Variants in KIF26B observed in about 807,000 individuals in gnomAD.
KIF26B encodes the protein kinesin family member 26B.
Under a neutral mutation model 151.2 loss-of-function variants are expected in KIF26B, and 63 were observed. The ratio of observed to expected loss-of-function variants is 0.42; its 90% CI spans 0.34 to 0.51. The LOEUF (loss-of-function observed/expected upper bound fraction) is 0.51. Ranked by LOEUF, KIF26B falls within the 20% of genes least tolerant of loss-of-function variation. The pLI, the probability that KIF26B is intolerant of heterozygous loss-of-function variation, is 0.07. For missense variants in KIF26B, 2,813 were observed against 2,913.6 expected (o/e 0.97, Z 0.79); for synonymous variants, 1,357 against 1,262.1 (o/e 1.08, Z -1.59).
At position 245,241,168 on chromosome 1, in the gene KIF26B, G is replaced by C. The variant is rs1670205703; in HGVS notation, c.465+84485G>C. ...ACCAGTAAATGTCGGAATTTCCTGA[G>C]TGCAGCTCTGAAGGATTTAGAGGTG... is the stretch of plus-strand genomic sequence containing the variant. On this transcript the variant is annotated intron_variant, in intron 2 of 14. Coordinates refer to ENST00000407071, the MANE Select transcript of KIF26B (RefSeq NM_018012.4). The surrounding 1 kb of genome is among the most constrained non-coding windows in gnomAD (Gnocchi z 5.0). Among the ~76,000 whole-genome samples the C allele has an allele frequency of 6.6e-6, 1 of 152,208 alleles. No homozygotes were observed. Among genetic ancestry groups the C allele is most frequent in the African/African-American group, 2.4e-5 (1 of 41,458 alleles).
intron 10 of KIF26B, among the ~76,000 whole-genome samples, chr1:245,658,051 T>C (rs566529052): frequency 5.0e-4 from 76 of 152,344 alleles, no homozygotes; most frequent in African/African-American, 1.7e-3. Flanking sequence ...GCTTGTCTTA[T>C]AGGTTTTACC....
intron 12 of KIF26B, among the ~76,000 whole-genome samples, chr1:245,690,852 A>G (rs1453659518): frequency 6.6e-6 from 1 of 152,228 alleles, no homozygotes; most frequent in African/African-American, 2.4e-5. Flanking sequence ...GTTGAAAAGG[A>G]AGAGCCATTC....
At chr1:245,266,872 G>C (rs1055884743) in intron 2 of KIF26B, among the ~76,000 whole-genome samples, 40 of 152,280 alleles carry the variant, frequency 2.6e-4, no homozygotes, top group Middle Eastern at 3.4e-3. Flanking sequence ...TCTGTACAGT[G>C]AGAGAATGTT....
chr1:245,273,136 A>G (rs545223181), intron 2 of KIF26B, among the ~76,000 whole-genome samples: 1 of 152,038 alleles, frequency 6.6e-6, no homozygotes, highest in Non-Finnish European at 1.5e-5. Flanking sequence ...ATATTGAGCC[A>G]GGCACAGTGG....
chr1:245,499,888 A>T (rs986141815), intron 4 of KIF26B, among the ~76,000 whole-genome samples: 5 of 152,244 alleles, frequency 3.3e-5, no homozygotes, highest in African/African-American at 1.2e-4. Flanking sequence ...TGGGGAATGT[A>T]TCAAACGGTC....
At chr1:245,420,940 G>A (rs1041097253) in intron 4 of KIF26B, among the ~76,000 whole-genome samples, 27 of 152,292 alleles carry the variant, frequency 1.8e-4, no homozygotes, top group Admixed American at 5.9e-4. Flanking sequence ...CAGCACACAG[G>A]GCTTGTTGGA....
intron 9 of KIF26B, among the ~76,000 whole-genome samples, chr1:245,631,514 G>C (rs2043781409): frequency 6.6e-6 from 1 of 152,156 alleles, no homozygotes; most frequent in Non-Finnish European, 1.5e-5. Flanking sequence ...TGTGTTGTTA[G>C]ATTTGGTTCG....
rs142055887 is a variant in KIF26B at position 245,282,733 on chromosome 1, C to T, written c.466-84101C>T. 1.9e-3 allele frequency: 309 copies of T among 160,074 alleles called. 2 individuals carry two copies. The highest frequency in any genetic ancestry group is 7.0e-3 in the African/African-American group (292 of 41,584). The allele number at this position is 160,074 out of a possible 1,614,324, so 9.9% of individuals were successfully genotyped here. A position where few individuals can be genotyped will look rare whatever the true frequency, so the allele number is the denominator to read the frequency against. On this transcript the variant is annotated intron_variant, in intron 2 of 14. Transcript: ENST00000407071. ...GTTTCCCTGTCTCCGCTTTGGAGCCCCCGCTCCCTCTGTCTCTATACAGGG... is the reference window on the plus strand; with the variant it reads ...GTTTCCCTGTCTCCGCTTTGGAGCCTCCGCTCCCTCTGTCTCTATACAGGG...
intron 3 of KIF26B, among the ~76,000 whole-genome samples, chr1:245,374,655 G>A (rs1673229895): frequency 6.6e-6 from 1 of 152,136 alleles, no homozygotes; most frequent in Admixed American, 6.5e-5. Context: ...GACCAATTAT[G>A]ACGTGGAAGA....
chr1:245,429,352 T>C (rs1658723368), intron 4 of KIF26B, among the ~76,000 whole-genome samples: 1 of 152,204 alleles, frequency 6.6e-6, no homozygotes, highest in African/African-American at 2.4e-5. Context: ...CTTTGTTATC[T>C]GTCTAACGAC....
rs371419440 is a variant in KIF26B, at chr1:245,367,116, G to A, written c.748G>A (p.Ala250Thr). ...GCCCAGAGACTGGGCCTTTGTGCCC[G>A]CCCCCTGTGCCACCTCCAACTACAC... ...QQPRDWAFVP[A>T]PCATSNYTGF... is the part of the protein sequence containing the mutation. Residue 250 changes from alanine to threonine, a missense_variant, in exon 3 of 15, where the codon GCC (alanine) becomes ACC (threonine). Ala to Thr is a moderately conservative substitution (Grantham distance 58). This residue lies in a region of KIF26B where 676 missense variants were observed against 688.1 expected (regional missense o/e 0.98). Transcript: ENST00000407071. The surrounding 1 kb of genome is among the most constrained non-coding windows in gnomAD (Gnocchi z 4.2). 1.6e-5 allele frequency: 26 copies of A among 1,593,918 alleles called. No homozygotes were observed. The African/African-American group carries it at 1.9e-4, about 12-fold the overall frequency.
intron 4 of KIF26B, chr1:245,511,194 C>G: frequency 2.9e-6 from 2 of 682,576 alleles, no homozygotes; most frequent in Non-Finnish European, 5.3e-6. Flanking sequence ...TTTTTTTTTA[C>G]TTTAACTTTT....
chr1:245,199,487 GT>G (rs1231649291), intron 2 of KIF26B, among the ~76,000 whole-genome samples: 59 of 143,782 alleles, frequency 4.1e-4, no homozygotes, highest in Middle Eastern at 7.3e-3. Context: ...CATATCTTTG[GT>G]TTTTTTTTTT....
At chr1:245,521,127 G>A (rs1236815292) in intron 4 of KIF26B, among the ~76,000 whole-genome samples, 1 of 152,110 alleles carries the variant, frequency 6.6e-6, no homozygotes, top group Non-Finnish European at 1.5e-5. Flanking sequence ...CACGAGGTCA[G>A]GAGATCAAGA....
intron 2 of KIF26B, among the ~76,000 whole-genome samples, chr1:245,322,385 TAATA>T (rs963397646): frequency 1.3e-4 from 20 of 152,138 alleles, no homozygotes; most frequent in African/African-American, 4.8e-4. Flanking sequence ...ACTTACAGTA[TAATA>T]AATAAATAAA....
intron 2 of KIF26B, among the ~76,000 whole-genome samples, chr1:245,171,901 G>T (rs912870523): frequency 6.6e-6 from 1 of 152,170 alleles, no homozygotes; most frequent in African/African-American, 2.4e-5. Flanking sequence ...CTGCTTCACA[G>T]GCGTGTTTTG....
At chr1:245,259,128 C>T (rs1308201078) in intron 2 of KIF26B, among the ~76,000 whole-genome samples, 1 of 152,210 alleles carries the variant, frequency 6.6e-6, no homozygotes, top group African/African-American at 2.4e-5. Context: ...CTGCATTCTG[C>T]TTATCACTGA....
intron 5 of KIF26B, among the ~76,000 whole-genome samples, chr1:245,545,144 C>T (rs1432124773): frequency 6.6e-6 from 1 of 151,426 alleles, no homozygotes; most frequent in Admixed American, 6.6e-5. Context: ...CTCTGTCCCC[C>T]AGGCTGGAGT....
intron 10 of KIF26B, among the ~76,000 whole-genome samples, chr1:245,665,961 C>G (rs12733774): frequency 0.41 from 60,966 of 149,562 alleles, 15,366 homozygotes; most frequent in East Asian, 0.76. Flanking sequence ...CCTGGCATTA[C>G]AGGCATGAGC....
Sources: allele counts gnomAD v4.1 joint callset (sites outside exome capture counted in the v4.1 genomes callset), GRCh38; gene constraint gnomAD v4.1.1; regional missense constraint gnomAD v4.1.1; non-coding constraint Gnocchi (gnomAD v3.1); transcripts MANE v1.5; gene names NCBI Gene and HGNC (gene_info 2026-07-23, HGNC 2026-07-21).